The following RANBP2 variants were observed in gnomAD, a reference collection of about 807,000 sequenced individuals.
RANBP2 encodes the protein RAN binding protein 2, also known as E3 SUMO-protein ligase RanBP2.
A neutral mutation model predicts 303.6 loss-of-function variants in RANBP2; 57 were observed. The ratio of observed to expected loss-of-function variants is 0.19; its 90% CI spans 0.15 to 0.23. The LOEUF (loss-of-function observed/expected upper bound fraction) is 0.23, where lower values mean the gene tolerates loss of function less well. RANBP2 is among the 10% of genes least tolerant of loss of function. The pLI is 1.00. For missense variants in RANBP2, 3,138 were observed against 3,780.8 expected, an observed-to-expected ratio of 0.83 and a Z score of 4.46; for synonymous variants, 1,167 against 1,301.5, an observed-to-expected ratio of 0.90 and a Z score of 2.23.
At chr2:109,064,477 A>AC in the RANBP2 span, among the ~76,000 whole-genome samples, 697 of 148,326 alleles carry the variant, frequency 4.7e-3, 27 homozygotes, top group Non-Finnish European at 8.8e-3. Context: ...AAAAACAAAA[A>AC]CAAACTGGTA....
chr2:109,349,693 G>A, the RANBP2 span, among the ~76,000 whole-genome samples: 3 of 152,224 alleles, frequency 2.0e-5, no homozygotes, highest in Non-Finnish European at 4.4e-5. Flanking sequence ...GGGCCTCACA[G>A]GAGGAGGCTC....
At chr2:109,204,399 C>T in the RANBP2 span, among the ~76,000 whole-genome samples, 1 of 152,246 alleles carries the variant, frequency 6.6e-6, no homozygotes, top group Non-Finnish European at 1.5e-5. Flanking sequence ...TACCAGTTCA[C>T]ATTCAGGTTT....
the RANBP2 span, among the ~76,000 whole-genome samples, chr2:109,189,493 C>T: frequency 6.6e-6 from 1 of 151,824 alleles, no homozygotes; most frequent in African/African-American, 2.4e-5. Context: ...CTCAACCTCC[C>T]GAGTAGCTGG....
At chr2:109,290,297 A>G in the RANBP2 span, among the ~76,000 whole-genome samples, 5 of 152,236 alleles carry the variant, frequency 3.3e-5, no homozygotes, top group African/African-American at 4.8e-5. Flanking sequence ...TTCTAGTAAT[A>G]TAACACATTG....
At chr2:109,586,438 G>A in the RANBP2 span, among the ~76,000 whole-genome samples, 1 of 152,180 alleles carries the variant, frequency 6.6e-6, no homozygotes, top group Non-Finnish European at 1.5e-5. Context: ...AGTCATTATG[G>A]CAAAAGGAAG....
the RANBP2 span, among the ~76,000 whole-genome samples, chr2:109,302,413 G>T: frequency 6.6e-6 from 1 of 152,348 alleles, no homozygotes; most frequent in Admixed American, 6.5e-5. Context: ...CAGAACTGGT[G>T]CAATCCTGCC....
chr2:109,035,604 A>G, the RANBP2 span, among the ~76,000 whole-genome samples: 1 of 152,134 alleles, frequency 6.6e-6, no homozygotes, highest in Non-Finnish European at 1.5e-5. Context: ...CACAGAGGAA[A>G]GGCTGGCCTG....
the RANBP2 span, among the ~76,000 whole-genome samples, chr2:109,015,263 T>A: frequency 6.6e-6 from 1 of 151,890 alleles, no homozygotes; most frequent in South Asian, 2.1e-4. Flanking sequence ...ACAAGTGGAT[T>A]TTCTTCCTTC....
At chr2:109,301,375 T>TG in the RANBP2 span, among the ~76,000 whole-genome samples, 1 of 151,264 alleles carries the variant, frequency 6.6e-6, no homozygotes, top group African/African-American at 2.4e-5. Context: ...TTGTGTGTGG[T>TG]GGGGGGACCT....
Position 108,719,695 on chromosome 2 carries a change from G to A in RANBP2, c.72+17G>A. The A allele has an allele frequency of 6.3e-7, 1 of 1,590,150 alleles. No individual in the cohort carries two copies. The highest frequency in any genetic ancestry group is 8.5e-7 in the Non-Finnish European group (1 of 1,169,928). On this transcript the variant is annotated intron_variant, in intron 1 of 28. Transcript: ENST00000283195. ...CCTCGACAGGTGAGTGGGTCTCGAA[G>A]AGACCGACGGCCTCGACCTGGCCGG...
chr2:108,918,192 C>T, the RANBP2 span, among the ~76,000 whole-genome samples: 14 of 152,298 alleles, frequency 9.2e-5, no homozygotes, highest in Non-Finnish European at 1.3e-4. Flanking sequence ...GGGTGGGGCG[C>T]GAGCCCTGGT....
At chr2:109,191,263 T>C in the RANBP2 span, among the ~76,000 whole-genome samples, 124,410 of 152,094 alleles carry the variant, frequency 0.82, 51,021 homozygotes, top group East Asian at 0.89. Context: ...GTTTCTGACA[T>C]CAAGAGGAAA....
the RANBP2 span, among the ~76,000 whole-genome samples, chr2:109,307,271 G>A: frequency 4.2e-3 from 642 of 152,196 alleles, 5 homozygotes; most frequent in African/African-American, 0.014. Flanking sequence ...GATTTAATTC[G>A]CAAATTTGCA....
the RANBP2 span, among the ~76,000 whole-genome samples, chr2:109,644,812 T>TC: frequency 1.4e-4 from 22 of 152,014 alleles, no homozygotes; most frequent in South Asian, 3.5e-3. Context: ...CTGCCCTGCC[T>TC]CCCCCCGGCT....
the RANBP2 span, among the ~76,000 whole-genome samples, chr2:109,170,261 T>TCTC: frequency 1.8e-5 from 1 of 55,190 alleles, no homozygotes; most frequent in African/African-American, 5.3e-5. Context: ...TCTCTTCTCT[T>TCTC]CTCTTCTCTT....
chr2:109,057,873 G>C, the RANBP2 span, among the ~76,000 whole-genome samples: 9 of 152,194 alleles, frequency 5.9e-5, no homozygotes. Context: ...CTGGCTCCTG[G>C]TTTGGCCCCA....
At chr2:109,659,373 C>A in the RANBP2 span, among the ~76,000 whole-genome samples, 13 of 152,244 alleles carry the variant, frequency 8.5e-5, no homozygotes, top group East Asian at 5.8e-4. Context: ...TTCATCCCCC[C>A]CAAAAACACA....
the RANBP2 span, among the ~76,000 whole-genome samples, chr2:109,199,616 A>AACCCGAG: frequency 7.7e-3 from 1 of 130 alleles, no homozygotes; most frequent in East Asian, 0.25. Flanking sequence ...ATGGAATGGA[A>AACCCGAG]TGGAATGGAA....
the RANBP2 span, among the ~76,000 whole-genome samples, chr2:109,668,464 A>G: frequency 1.3e-4 from 20 of 152,358 alleles, no homozygotes; most frequent in East Asian, 3.7e-3. Flanking sequence ...AATACATCAC[A>G]GAAGGCATGA....
Sources: gnomAD v4.1 joint callset for allele counts (sites outside exome capture counted in the v4.1 genomes callset) on GRCh38, gnomAD v4.1.1 for gene constraint, MANE v1.5 for transcripts, NCBI Gene and HGNC (gene_info 2026-07-23, HGNC 2026-07-21) for gene names.